RAB5B: variants seen among roughly 807,000 people sequenced by gnomAD.
RAB5B encodes the protein ras-related protein Rab-5B.
In RAB5B, 11 loss-of-function variants were observed where a neutral mutation model predicts 28.6. The ratio of observed to expected loss-of-function variants is 0.38; its 90% CI spans 0.24 to 0.64. RAB5B has a LOEUF of 0.64. Among genes scored for constraint, RAB5B ranks in the 30% least tolerant of loss-of-function variants. RAB5B has a pLI of 0.53. For synonymous variants in RAB5B, 93 were observed against 97.9 expected, an observed-to-expected ratio of 0.95 and a Z score of 0.29; for missense variants, 169 against 265.6, an observed-to-expected ratio of 0.64 and a Z score of 2.53.
chr12:55,990,840 C>T (rs202128323), intron 4 of RAB5B, 36 bp downstream of exon 4: 4 of 1,607,480 alleles, frequency 2.5e-6, no homozygotes, highest in Non-Finnish European at 2.6e-6. Context: ...CTAACACTTC[C>T]TCTGTTCCTG....
At chr12:55,981,113 G>C in intron 1 of RAB5B, 1 of 1,274,826 alleles carries the variant, frequency 7.8e-7, no homozygotes, top group Non-Finnish European at 1.1e-6. Context: ...GTCCAGGCTG[G>C]AGTGCAGTCG....
At chr12:55,988,074 A>C (rs1235921002) in intron 2 of RAB5B, among the ~76,000 whole-genome samples, 1 of 152,098 alleles carries the variant, frequency 6.6e-6, no homozygotes, top group Non-Finnish European at 1.5e-5. Flanking sequence ...ACTTGAACCC[A>C]GGAGATGGAG....
At chr12:55,992,016 T>C (rs1890140647) in intron 5 of RAB5B, 81 bp from the exon 6 acceptor site, 3 of 979,944 alleles carry the variant, frequency 3.1e-6, no homozygotes, top group Non-Finnish European at 3.2e-6. Context: ...CCCAATTCAG[T>C]AGCCGTTTTT....
Position 55,992,098 on chromosome 12 carries a change from T to G in RAB5B, c.534T>G (p.Ala178=). Residue 178 remains alanine, a splice_region_variant and synonymous_variant, in exon 6 of 6, where the codon GCT becomes GCG. Coordinates refer to ENST00000360299, the MANE Select transcript of RAB5B (RefSeq NM_002868.4). ...MNVNDLFLAI[A]KKLPKSEPQN... The stretch of plus-strand genomic sequence containing the variant: ...GTTCTCTTCTCTTTTTATCTCTAGC[T>G]AAGAAGTTGCCAAAGAGTGAACCCC... 6.2e-7 allele frequency: 1 copy of G among 1,613,220 alleles called. No homozygotes were observed.
At chr12:55,980,543 G>A in intron 1 of RAB5B, 2 of 1,590,612 alleles carry the variant, frequency 1.3e-6, no homozygotes, top group South Asian at 2.2e-5. Context: ...CCGGGCCAGG[G>A]AACTAAAAGC....
rs1329207894 is a variant in RAB5B, at chr12:55,995,993, A to ATTTT, written c.*3782_*3783insTTTT. The ATTTT allele has an allele frequency of 1.4e-4, 14 of 101,908 alleles. No individual in the cohort carries two copies. Among genetic ancestry groups the ATTTT allele is most frequent in the South Asian group, 5.3e-4 (2 of 3,806 alleles). The allele number at this position is 101,908 out of a possible 1,614,324, so 6.3% of individuals were successfully genotyped here. ...TCTCCATATATATATACATATATAT[A>ATTTT]TATATATATATTTTTTTTTTAACAA... On this transcript the variant is annotated 3_prime_UTR_variant, in exon 6 of 6. Transcript: ENST00000360299.
At chr12:55,983,375 T>G (rs1889862481) in intron 1 of RAB5B, among the ~76,000 whole-genome samples, 2 of 152,202 alleles carry the variant, frequency 1.3e-5, no homozygotes, top group South Asian at 4.1e-4. Flanking sequence ...ATGTTATAAT[T>G]AAAGATACTC....
chr12:55,980,305 C>G (rs1889765311), intron 1 of RAB5B: 1 of 768,906 alleles, frequency 1.3e-6, no homozygotes, highest in African/African-American at 1.8e-5. Flanking sequence ...TCCTCATTCT[C>G]TTTACCATCT....
At chr12:55,974,328 A>T (rs1414610350) in intron 1 of RAB5B, among the ~76,000 whole-genome samples, 189 bp downstream of exon 1, 1 of 151,656 alleles carries the variant, frequency 6.6e-6, no homozygotes, top group Non-Finnish European at 1.5e-5. Flanking sequence ...GCGGCCTGGG[A>T]CCCCGAAGTT....
At position 55,991,492 on chromosome 12, in the gene RAB5B, G is replaced by T. The variant is rs564543175; in HGVS notation, c.532+39G>T. 10 of 1,534,344 alleles carry T rather than the reference G, an allele frequency of 6.5e-6. No individual in the cohort carries two copies. In the African/African-American group the frequency reaches 8.2e-5, roughly 13 times the overall value. ...ATCCTGAGGTCCTCCTTTTTCCCTC[G>T]TTTATAGGCAAAATTATAGCTAACC... On this transcript the variant is annotated intron_variant, in intron 5 of 5. Transcript: ENST00000360299.
Position 55,986,953 on chromosome 12 carries a change from A to G in RAB5B, c.-8A>G. The G allele has an allele frequency of 7.1e-7, 1 of 1,408,158 alleles. No homozygotes were observed. Among genetic ancestry groups the G allele is most frequent in the South Asian group, 1.1e-5 (1 of 88,436 alleles). The allele number at this position is 1,408,158 out of a possible 1,614,324, so 87.2% of individuals were successfully genotyped here. ...CCCTCCACCCTTTCCCATTCTGATAATCTGGCCATGACTAGCAGAAGCACA... is the reference window on the plus strand; with the variant it reads ...CCCTCCACCCTTTCCCATTCTGATAGTCTGGCCATGACTAGCAGAAGCACA... On this transcript the variant is annotated 5_prime_UTR_variant, in exon 2 of 6. Coordinates refer to ENST00000360299, the MANE Select transcript of RAB5B (RefSeq NM_002868.4).
Position 55,995,237 on chromosome 12 carries a change from C to CG in RAB5B, c.*3026dup, listed in dbSNP as rs1451970880. 6.6e-6 allele frequency: 1 copy of CG among 152,034 alleles called. No homozygotes were observed. The highest frequency in any genetic ancestry group is 1.5e-5 in the Non-Finnish European group (1 of 68,028). 9.4% of individuals were successfully genotyped at this position (152,034 alleles called of 1,614,324 possible). On this transcript the variant is annotated 3_prime_UTR_variant, in exon 6 of 6. Coordinates refer to ENST00000360299, the MANE Select transcript of RAB5B (RefSeq NM_002868.4). ...TCCTGAGTAGCTAGGATTACAGGCA[C>CG]GCACCAACACACCCAGCTAATTTTT...
intron 1 of RAB5B, among the ~76,000 whole-genome samples, chr12:55,978,922 G>A (rs2136472529): frequency 6.6e-6 from 1 of 152,098 alleles, no homozygotes; most frequent in South Asian, 2.1e-4. Flanking sequence ...ACAAGCCTGT[G>A]CCAACATGCC....
chr12:55,987,275 C>T (rs556485643), intron 2 of RAB5B, 152 bp downstream of exon 2: 41 of 728,262 alleles, frequency 5.6e-5, no homozygotes, highest in Middle Eastern at 4.1e-4. Context: ...ATTCTCATGC[C>T]TCAGCCTCCC....
intron 1 of RAB5B, among the ~76,000 whole-genome samples, chr12:55,977,552 A>C (rs1295049686): frequency 1.3e-5 from 2 of 152,148 alleles, no homozygotes; most frequent in African/African-American, 4.8e-5. Context: ...ATTGGTATGA[A>C]TTTTACTTCT....
rs1406833220 is a variant in RAB5B at position 55,996,541 on chromosome 12, G to T, written c.*4329G>T. The stretch of plus-strand genomic sequence containing the variant: ...TGTCCAGGCTGGAGTGCAGTGCCGC[G>T]ATCTTGGCTCAGTGCAACCTCGAAC... On this transcript the variant is annotated 3_prime_UTR_variant, in exon 6 of 6. Transcript: ENST00000360299. The T allele has an allele frequency of 6.6e-6, 1 of 152,190 alleles. No individual in the cohort carries two copies. Among genetic ancestry groups the T allele is most frequent in the African/African-American group, 2.4e-5 (1 of 41,410 alleles). 9.4% of individuals were successfully genotyped at this position (152,190 alleles called of 1,614,324 possible).
chr12:55,978,368 G>C (rs1454102386), intron 1 of RAB5B, among the ~76,000 whole-genome samples: 1 of 152,096 alleles, frequency 6.6e-6, no homozygotes. Context: ...TGGGCGTGGT[G>C]GTGGGCGCCT....
chr12:55,989,878 A>AG (rs1007287235), intron 2 of RAB5B, 69 bp from the exon 3 acceptor site: 12 of 1,527,866 alleles, frequency 7.9e-6, no homozygotes, highest in African/African-American at 4.1e-5. Context: ...TACATTTTGA[A>AG]GGGGGGGAGG....
chr12:55,989,854 T>C, intron 2 of RAB5B, 93 bp from the exon 3 acceptor site: 5 of 1,422,570 alleles, frequency 3.5e-6, no homozygotes, highest in Non-Finnish European at 5.0e-6. Context: ...TGACTGGTCT[T>C]AGTGTAGGGC....
Sources: allele counts gnomAD v4.1 joint callset (sites outside exome capture counted in the v4.1 genomes callset), GRCh38; gene constraint gnomAD v4.1.1; transcripts MANE v1.5; gene names NCBI Gene and HGNC (gene_info 2026-07-23, HGNC 2026-07-21).